Variants in SEZ6L observed in about 807,000 individuals in gnomAD.
SEZ6L encodes seizure 6-like protein.
A neutral mutation model predicts 106.2 loss-of-function variants in SEZ6L; 37 were observed. The ratio of observed to expected loss-of-function variants is 0.35; its 90% CI spans 0.27 to 0.46. The LOEUF (loss-of-function observed/expected upper bound fraction) is 0.46. Among genes scored for constraint, SEZ6L ranks in the 20% least tolerant of loss-of-function variants. The probability of loss-of-function intolerance (pLI) is 1.00; values close to 1 mark genes in which losing one functional copy is unlikely to be tolerated. For missense variants in SEZ6L, 1,172 were observed against 1,332.8 expected, an observed-to-expected ratio of 0.88 and a Z score of 1.88; for synonymous variants, 541 against 570.4, an observed-to-expected ratio of 0.95 and a Z score of 0.73.
At chr22:26,320,136 T>C (rs950807482) in intron 9 of SEZ6L, among the ~76,000 whole-genome samples, 16 of 152,196 alleles carry the variant, frequency 1.1e-4, no homozygotes, top group African/African-American at 3.9e-4. Flanking sequence ...TATAGGGTTA[T>C]AGTTTCAAAG....
chr22:26,282,692 G>C (rs1414725018), intron 1 of SEZ6L, among the ~76,000 whole-genome samples: 2 of 152,058 alleles, frequency 1.3e-5, no homozygotes, highest in African/African-American at 4.8e-5. Context: ...TCATCAAGGG[G>C]GCTTTTTAGA....
chr22:26,365,224 T>G, intron 12 of SEZ6L, 148 bp from the exon 13 acceptor site: 1 of 642,306 alleles, frequency 1.6e-6, no homozygotes, highest in Non-Finnish European at 2.7e-6. Context: ...AAGAACAGTT[T>G]GAGAAATAGA....
intron 1 of SEZ6L, among the ~76,000 whole-genome samples, chr22:26,270,781 C>T (rs763679251): frequency 6.6e-6 from 1 of 152,166 alleles, no homozygotes; most frequent in Non-Finnish European, 1.5e-5. Context: ...GAAAACCCCT[C>T]GCTGGTGTCT....
chr22:26,176,013 A>G (rs531506235), intron 1 of SEZ6L, among the ~76,000 whole-genome samples: 9 of 152,254 alleles, frequency 5.9e-5, no homozygotes, highest in Non-Finnish European at 8.8e-5. Context: ...GGCTGGTTAT[A>G]GCCAGCATTA....
At chr22:26,289,469 G>T (rs539117225) in intron 1 of SEZ6L, among the ~76,000 whole-genome samples, 1 of 152,288 alleles carries the variant, frequency 6.6e-6, no homozygotes, top group East Asian at 1.9e-4. Context: ...GACTCACTCA[G>T]CTCATAACTG....
At chr22:26,364,443 A>G (rs1211147537) in intron 12 of SEZ6L, among the ~76,000 whole-genome samples, 1 of 150,588 alleles carries the variant, frequency 6.6e-6, no homozygotes, top group African/African-American at 2.4e-5. Flanking sequence ...AAAAAAAAAA[A>G]AAAGCCGAGT....
At chr22:26,314,946 A>G (rs970456639) in intron 9 of SEZ6L, among the ~76,000 whole-genome samples, 1 of 152,078 alleles carries the variant, frequency 6.6e-6, no homozygotes. Context: ...CCCATGTGAG[A>G]TGGGGGTGAG....
At chr22:26,290,342 T>A (rs1476891278) in intron 1 of SEZ6L, among the ~76,000 whole-genome samples, 1 of 152,066 alleles carries the variant, frequency 6.6e-6, no homozygotes, top group Non-Finnish European at 1.5e-5. Context: ...CCATCCTGGC[T>A]AACATGGTGA....
intron 1 of SEZ6L, among the ~76,000 whole-genome samples, chr22:26,193,126 G>C (rs1940347199): frequency 6.6e-6 from 1 of 152,176 alleles, no homozygotes; most frequent in African/African-American, 2.4e-5. Flanking sequence ...GAGGTTTCAA[G>C]AAGTGCTGAA....
intron 1 of SEZ6L, among the ~76,000 whole-genome samples, chr22:26,282,069 G>A (rs968572755): frequency 6.6e-6 from 1 of 152,176 alleles, no homozygotes; most frequent in Admixed American, 6.5e-5. Flanking sequence ...CGTCTGCATA[G>A]CATTTTGCAC....
intron 1 of SEZ6L, among the ~76,000 whole-genome samples, chr22:26,250,774 T>G (rs2079549760): frequency 6.6e-6 from 1 of 152,240 alleles, no homozygotes; most frequent in South Asian, 2.1e-4. Context: ...ACAATATTAA[T>G]TATTTCAATT....
chr22:26,187,161 C>T (rs1476181008), intron 1 of SEZ6L, among the ~76,000 whole-genome samples: 1 of 152,174 alleles, frequency 6.6e-6, no homozygotes, highest in Non-Finnish European at 1.5e-5. Flanking sequence ...TTCTGCATGG[C>T]TGGGAAGACC....
chr22:26,273,462 G>A (rs140853664), intron 1 of SEZ6L, among the ~76,000 whole-genome samples: 11 of 152,368 alleles, frequency 7.2e-5, no homozygotes, highest in Middle Eastern at 6.8e-3. Flanking sequence ...GGCTCTGTGC[G>A]CCGCCTCGGC....
At chr22:26,305,198 C>T (rs2081593789) in intron 5 of SEZ6L, among the ~76,000 whole-genome samples, 1 of 152,192 alleles carries the variant, frequency 6.6e-6, no homozygotes, top group Admixed American at 6.5e-5. Flanking sequence ...CACTAAACAT[C>T]TGTGAGTGGA....
intron 1 of SEZ6L, among the ~76,000 whole-genome samples, chr22:26,229,393 A>G (rs1214116504): frequency 1.3e-5 from 2 of 152,166 alleles, no homozygotes; most frequent in African/African-American, 4.8e-5. Context: ...TTAAATGTGC[A>G]ATTTATTATA....
At chr22:26,325,858 T>G in intron 9 of SEZ6L, among the ~76,000 whole-genome samples, 1 of 152,140 alleles carries the variant, frequency 6.6e-6, no homozygotes, top group Non-Finnish European at 1.5e-5. Context: ...GCAGCTGTGA[T>G]GACGATTAAT....
chr22:26,314,698 G>A (rs1179611470), intron 9 of SEZ6L, among the ~76,000 whole-genome samples: 5 of 152,334 alleles, frequency 3.3e-5, no homozygotes, highest in East Asian at 3.9e-4. Flanking sequence ...AATGTTCCCC[G>A]CTAGCTCCCC....
At chr22:26,362,042 T>A (rs1313195435) in intron 12 of SEZ6L, among the ~76,000 whole-genome samples, 1 of 151,486 alleles carries the variant, frequency 6.6e-6, no homozygotes, top group Non-Finnish European at 1.5e-5. Context: ...AAAAAATACA[T>A]CAAAGCACAG....
chr22:26,198,099 T>C lies in SEZ6L; in HGVS notation c.94+28336T>C, dbSNP rs532958986. On this transcript the variant is annotated intron_variant, in intron 1 of 16. Coordinates refer to ENST00000248933, the MANE Select transcript of SEZ6L (RefSeq NM_021115.5). Reference sequence around the variant, plus strand: ...TTAACTCATGCAATTATCCATCTCTTTGCTCTTTGAGACTACAAATGTGTA... The same window carrying C: ...TTAACTCATGCAATTATCCATCTCTCTGCTCTTTGAGACTACAAATGTGTA... Among the ~76,000 whole-genome samples the C allele has an allele frequency of 1.3e-4, 20 of 152,330 alleles. No homozygotes were observed. The South Asian group carries it at 3.1e-3, about 24-fold the overall frequency.
Sources: allele counts gnomAD v4.1 joint callset (sites outside exome capture counted in the v4.1 genomes callset), GRCh38; gene constraint gnomAD v4.1.1; transcripts MANE v1.5; gene names NCBI Gene and HGNC (gene_info 2026-07-23, HGNC 2026-07-21).